Variants in RPS6KA5 observed in about 807,000 individuals in gnomAD.
The protein encoded by RPS6KA5 is ribosomal protein S6 kinase A5, also known as ribosomal protein S6 kinase alpha-5.
Under a neutral mutation model 85.5 loss-of-function variants are expected in RPS6KA5, and 27 were observed. The ratio of observed to expected loss-of-function variants is 0.32; its 90% CI spans 0.23 to 0.44. RPS6KA5 has a LOEUF of 0.44. Ranked by LOEUF, RPS6KA5 falls within the 20% of genes least tolerant of loss-of-function variation. RPS6KA5 has a pLI of 1.00. For synonymous variants in RPS6KA5, 334 were observed against 348.2 expected, an observed-to-expected ratio of 0.96 and a Z score of 0.46; for missense variants, 811 against 980.9, an observed-to-expected ratio of 0.83 and a Z score of 2.31.
In RPS6KA5 at chr14:90,856,270, A is replaced by G. The variant is rs1365335424; in HGVS notation, c.*15804T>C. The G allele has an allele frequency of 1.3e-5, 2 of 152,224 alleles. No individual in the cohort carries two copies. The highest frequency in any genetic ancestry group is 4.8e-5 in the African/African-American group (2 of 41,444). The allele number at this position is 152,224 out of a possible 1,614,324, so 9.4% of individuals were successfully genotyped here. A position where few individuals can be genotyped will look rare whatever the true frequency, so the allele number is the denominator to read the frequency against. ...ATAACTATGCTTCAGAGTTGATGCCAAAGAAAGGGGGGCAGGATGGCATTC... is the reference window on the plus strand; with the variant it reads ...ATAACTATGCTTCAGAGTTGATGCCGAAGAAAGGGGGGCAGGATGGCATTC... On this transcript the variant is annotated 3_prime_UTR_variant, in exon 17 of 17. Transcript: ENST00000614987.
rs950374649 is a variant in RPS6KA5 at position 90,951,602 on chromosome 14, C to T, written c.395-4052G>A. Among the ~76,000 whole-genome samples the T allele has an allele frequency of 4.6e-5, 7 of 152,248 alleles. No individual in the cohort carries two copies. The East Asian group carries it at 1.2e-3, about 25-fold the overall frequency. The stretch of plus-strand genomic sequence containing the variant: ...CATGCAGTAGTATTAAAAAATGACT[C>T]GTGGTTTAATAATAGACTGGGCACC... On this transcript the variant is annotated intron_variant, in intron 3 of 16. Transcript: ENST00000614987.
rs990046259 is a variant in RPS6KA5, at chr14:90,872,681, A to C, written c.2161-359T>G. ...CATTGCTTTTACTGGTTCTGTGTCT[A>C]AGATTTAAAATTCTGAACACAAAGT... On this transcript the variant is annotated intron_variant, in intron 16 of 16. Transcript: ENST00000614987. 5.3e-5 allele frequency among the ~76,000 whole-genome samples: 8 copies of C among 152,282 alleles called. No homozygotes were observed. In the South Asian group the frequency reaches 1.7e-3, roughly 32 times the overall value.
At chr14:91,004,359 CCG>C (rs2040917704) in intron 1 of RPS6KA5, among the ~76,000 whole-genome samples, 1 of 152,148 alleles carries the variant, frequency 6.6e-6, no homozygotes, top group Non-Finnish European at 1.5e-5. Context: ...GCGTGAGCCA[CCG>C]CGCCTTCACT....
intron 1 of RPS6KA5, 186 bp downstream of exon 1, chr14:91,060,146 C>A (rs2043584548): frequency 1.0e-6 from 1 of 983,412 alleles, no homozygotes; most frequent in Non-Finnish European, 1.2e-6. Context: ...TCGGCCGCCT[C>A]CCCCAAGGCG....
intron 14 of RPS6KA5, among the ~76,000 whole-genome samples, chr14:90,883,476 A>G (rs1046597189): frequency 2.0e-5 from 3 of 151,416 alleles, no homozygotes; most frequent in Non-Finnish European, 2.9e-5. Context: ...ATTCCTTTTC[A>G]TTTTCTTTTC....
chr14:90,980,006 A>T (rs1002626434), intron 2 of RPS6KA5, among the ~76,000 whole-genome samples: 1 of 152,224 alleles, frequency 6.6e-6, no homozygotes, highest in Non-Finnish European at 1.5e-5. Context: ...TACTGAACAC[A>T]TTCCAGGGCA....
Position 90,970,468 on chromosome 14 carries a change from G to A in RPS6KA5, c.394+7838C>T, listed in dbSNP as rs145099447. On this transcript the variant is annotated intron_variant, in intron 3 of 16. Transcript: ENST00000614987. ...TGATCACAAAACTGTCTACAAGGCT[G>A]GGATGGCATTCATTATTGGGAATGA... Among the ~76,000 whole-genome samples, 91 of 152,282 alleles carry A rather than the reference G, an allele frequency of 6.0e-4. No individual in the cohort carries two copies. In the East Asian group the frequency reaches 0.014, roughly 23 times the overall value.
At chr14:90,900,974 T>C (rs1420901210) in intron 9 of RPS6KA5, among the ~76,000 whole-genome samples, 3 of 152,154 alleles carry the variant, frequency 2.0e-5, no homozygotes, top group African/African-American at 7.2e-5. Context: ...AAAATAAAGG[T>C]AGAAAAAGAC....
chr14:91,035,480 C>T (rs117734243), intron 1 of RPS6KA5, among the ~76,000 whole-genome samples: 11 of 152,096 alleles, frequency 7.2e-5, no homozygotes, highest in Non-Finnish European at 1.3e-4. Flanking sequence ...TAAGTCAGGA[C>T]GTGGGTGCTT....
chr14:90,906,484 G>A (rs751139921), intron 7 of RPS6KA5, among the ~76,000 whole-genome samples, 185 bp from the exon 8 acceptor site: 1 of 151,974 alleles, frequency 6.6e-6, no homozygotes, highest in Non-Finnish European at 1.5e-5. Context: ...TCAAATTTCT[G>A]AAACTCAAAA....
At chr14:91,024,768 A>G (rs1202730598) in intron 1 of RPS6KA5, among the ~76,000 whole-genome samples, 1 of 152,180 alleles carries the variant, frequency 6.6e-6, no homozygotes, top group Admixed American at 6.5e-5. Context: ...GTCCCAGACC[A>G]GGGTTCTGTA....
chr14:90,910,000 T>G (rs1165575883), intron 7 of RPS6KA5, among the ~76,000 whole-genome samples: 1 of 152,066 alleles, frequency 6.6e-6, no homozygotes, highest in Non-Finnish European at 1.5e-5. Context: ...GGTCTCGAAC[T>G]CCTGACCTCA....
intron 1 of RPS6KA5, among the ~76,000 whole-genome samples, chr14:91,009,104 AT>A (rs1303804737): frequency 6.6e-6 from 1 of 152,106 alleles, no homozygotes; most frequent in Non-Finnish European, 1.5e-5. Flanking sequence ...TTTTTTCCCT[AT>A]TGGCCCCTGC....
chr14:90,982,578 T>C (rs981737617), intron 2 of RPS6KA5, among the ~76,000 whole-genome samples: 5 of 152,266 alleles, frequency 3.3e-5, no homozygotes, highest in Non-Finnish European at 5.9e-5. Context: ...CAACATGCAA[T>C]GGCATCAAAT....
chr14:90,940,322 C>T (rs992846830), intron 5 of RPS6KA5, among the ~76,000 whole-genome samples: 8 of 152,144 alleles, frequency 5.3e-5, no homozygotes, highest in South Asian at 2.1e-4. Flanking sequence ...TTTTTGCACC[C>T]AGACCACTAA....
intron 3 of RPS6KA5, among the ~76,000 whole-genome samples, chr14:90,953,567 T>C (rs1428227505): frequency 6.6e-6 from 1 of 152,230 alleles, no homozygotes; most frequent in African/African-American, 2.4e-5. Flanking sequence ...CATATTTTTC[T>C]TCTTGCAGAG....
At chr14:91,046,772 C>T (rs375364445) in intron 1 of RPS6KA5, among the ~76,000 whole-genome samples, 30 of 151,290 alleles carry the variant, frequency 2.0e-4, no homozygotes, top group Admixed American at 1.4e-3. Flanking sequence ...TTTATCATTA[C>T]GTATTTTCTA....
chr14:90,875,120 T>C (rs933105487), intron 15 of RPS6KA5, 81 bp downstream of exon 15: 4 of 1,312,650 alleles, frequency 3.0e-6, no homozygotes, highest in Non-Finnish European at 4.2e-6. Flanking sequence ...GTAATTAACA[T>C]ATGAATGTAT....
At chr14:90,994,657 C>T (rs1252956884) in intron 2 of RPS6KA5, among the ~76,000 whole-genome samples, 2 of 149,472 alleles carry the variant, frequency 1.3e-5, no homozygotes, top group Non-Finnish European at 3.0e-5. Context: ...CTGCAAGCTC[C>T]GCCTGCTGGG....
Sources: allele counts gnomAD v4.1 joint callset (sites outside exome capture counted in the v4.1 genomes callset), GRCh38; gene constraint gnomAD v4.1.1; transcripts MANE v1.5; gene names NCBI Gene and HGNC (gene_info 2026-07-23, HGNC 2026-07-21).